The following PPP1R21 variants were observed in gnomAD, a reference collection of about 807,000 sequenced individuals.
PPP1R21 encodes KLRAQ motif containing 1.
Under a neutral mutation model 112.8 loss-of-function variants are expected in PPP1R21, and 85 were observed. That is an observed-to-expected ratio of 0.75 (90% CI 0.63 to 0.90). The LOEUF (loss-of-function observed/expected upper bound fraction) is 0.90, where lower values mean the gene tolerates loss of function less well. PPP1R21 is among the 40% of genes least tolerant of loss of function. PPP1R21 has a pLI of 0.00. For missense variants in PPP1R21, 1,199 were observed against 901.5 expected (o/e 1.33, Z -4.23); for synonymous variants, 381 against 322.3 (o/e 1.18, Z -1.95).
In PPP1R21 at chr2:48,478,274, A is replaced by G. The variant is rs1261777543; in HGVS notation, c.1226-1650A>G. ...TGTGGTACTTCATTACAGCAGCACTAGGAAATTAATACAGGGAGTATTGCC... is the reference window on the plus strand; with the variant it reads ...TGTGGTACTTCATTACAGCAGCACTGGGAAATTAATACAGGGAGTATTGCC... On this transcript the variant is annotated intron_variant, in intron 12 of 21. Transcript: ENST00000294952. Among the ~76,000 whole-genome samples, 8 of 152,334 alleles carry G rather than the reference A, an allele frequency of 5.3e-5. No individual in the cohort carries two copies. In the East Asian group the frequency reaches 1.5e-3, roughly 29 times the overall value.
At chr2:48,459,566 T>C (rs975560249) in intron 4 of PPP1R21, among the ~76,000 whole-genome samples, 188 bp from the exon 5 acceptor site, 17 of 152,196 alleles carry the variant, frequency 1.1e-4, no homozygotes, top group Admixed American at 3.3e-4. Context: ...TCCATATTTG[T>C]AAAGAGGAAT....
intron 21 of PPP1R21, 99 bp from the exon 22 acceptor site, chr2:48,514,616 C>A: frequency 2.3e-6 from 2 of 877,296 alleles, no homozygotes; most frequent in South Asian, 2.8e-5. Flanking sequence ...GCTAGTGTTC[C>A]AAAGTGAAAT....
intron 12 of PPP1R21, 62 bp downstream of exon 12, chr2:48,474,881 A>T: frequency 1.4e-6 from 2 of 1,461,950 alleles, no homozygotes; most frequent in Non-Finnish European, 1.9e-6. Flanking sequence ...AAGCTGGAAA[A>T]GGGAGATGGT....
chr2:48,511,513 A>AGAGAGGT, intron 21 of PPP1R21, 45 bp downstream of exon 21: 1 of 1,592,372 alleles, frequency 6.3e-7, no homozygotes, highest in Non-Finnish European at 8.5e-7. Flanking sequence ...TATAATATTT[A>AGAGAGGT]ATGTGAGGTA....
rs34664331 is a variant in PPP1R21, at chr2:48,440,812, CGCGGCGGCGGCG to C, written c.-130_-119del. ...GGGAACCCGGAAGTGGAGGAGGAGG[CGCGGCGGCGGCG>C]GCGGCGGCGGCTGCGGTGGCCAAGC... On this transcript the variant is annotated 5_prime_UTR_variant, in exon 1 of 22. Coordinates refer to ENST00000294952, the MANE Select transcript of PPP1R21 (RefSeq NM_001135629.3). The C allele has an allele frequency of 2.7e-5, 17 of 626,728 alleles. No individual in the cohort carries two copies. Among genetic ancestry groups the C allele is most frequent in the Middle Eastern group, 4.2e-4 (1 of 2,394 alleles). The allele number at this position is 626,728 out of a possible 1,614,324, so 38.8% of individuals were successfully genotyped here. A position where few individuals can be genotyped will look rare whatever the true frequency, so the allele number is the denominator to read the frequency against.
At chr2:48,481,617 C>T (rs1324436934) in intron 13 of PPP1R21, among the ~76,000 whole-genome samples, 2 of 152,118 alleles carry the variant, frequency 1.3e-5, no homozygotes, top group Non-Finnish European at 2.9e-5. Context: ...ATAGCTGACG[C>T]TTATAATCCC....
At chr2:48,490,830 C>G (rs1167203656) in intron 14 of PPP1R21, among the ~76,000 whole-genome samples, 188 bp from the exon 15 acceptor site, 2 of 152,138 alleles carry the variant, frequency 1.3e-5, no homozygotes, top group East Asian at 3.8e-4. Context: ...TACTGGTGTC[C>G]TCTTTTTATT....
At chr2:48,496,501 T>C (rs958109028) in intron 16 of PPP1R21, among the ~76,000 whole-genome samples, 1 of 149,434 alleles carries the variant, frequency 6.7e-6, no homozygotes, top group African/African-American at 2.5e-5. Flanking sequence ...GGAGTCTCAC[T>C]GTGTCACCTA....
chr2:48,443,839 T>G (rs1192275075), intron 1 of PPP1R21, among the ~76,000 whole-genome samples: 1 of 143,558 alleles, frequency 7.0e-6, no homozygotes, highest in Non-Finnish European at 1.6e-5. Context: ...TGAAATCCAG[T>G]TGCATAATTT....
intron 17 of PPP1R21, among the ~76,000 whole-genome samples, chr2:48,499,730 C>G (rs928278352): frequency 6.6e-6 from 1 of 152,182 alleles, no homozygotes; most frequent in East Asian, 1.9e-4. Flanking sequence ...GGCACATTAT[C>G]TTGCAACTTT....
At chr2:48,484,803 C>A (rs1029928873) in intron 13 of PPP1R21, among the ~76,000 whole-genome samples, 1 of 152,220 alleles carries the variant, frequency 6.6e-6, no homozygotes, top group Non-Finnish European at 1.5e-5. Flanking sequence ...GCATGAGCCA[C>A]TGCATCCTGC....
At chr2:48,504,041 G>A (rs375220591) in intron 17 of PPP1R21, among the ~76,000 whole-genome samples, 20 of 151,752 alleles carry the variant, frequency 1.3e-4, no homozygotes, top group East Asian at 5.8e-4. Flanking sequence ...ATCATAACCC[G>A]GGAGTAAGGG....
At chr2:48,471,407 G>A in intron 11 of PPP1R21, 40 bp downstream of exon 11, 1 of 1,554,868 alleles carries the variant, frequency 6.4e-7, no homozygotes. Context: ...GGGAATTGTG[G>A]GTGTAACCTG....
chr2:48,454,806 C>T, intron 3 of PPP1R21, 65 bp downstream of exon 3: 1 of 1,271,696 alleles, frequency 7.9e-7, no homozygotes, highest in Non-Finnish European at 1.1e-6. Context: ...ACAGGGCATC[C>T]TGGTTTTAAC....
intron 11 of PPP1R21, among the ~76,000 whole-genome samples, chr2:48,472,111 A>G (rs1448295462): frequency 6.6e-6 from 1 of 151,676 alleles, no homozygotes; most frequent in Non-Finnish European, 1.5e-5. Flanking sequence ...GTTGTGGTGC[A>G]TCCCTATAGT....
rs751695399 is a variant in PPP1R21, at chr2:48,507,365, T to A, written c.2065T>A (p.Ser689Thr). ...TCAGTTGCAGCTGGCTGACAGTAAG[T>A]CAGTGCATTTTTATGCCGAGGTGAG... ...TSQLQLADSK[S>T]VHFYAECRAL... is the part of the protein sequence containing the mutation. The change falls in exon 19 of 22, where the codon TCA (serine) becomes ACA (threonine). Residue 689 changes from serine (S) to threonine (T), a missense_variant. Ser to Thr is a moderately conservative substitution (Grantham distance 58). Coordinates refer to ENST00000294952, the MANE Select transcript of PPP1R21 (RefSeq NM_001135629.3). 8 of 1,600,144 alleles carry A rather than the reference T, an allele frequency of 5.0e-6. No individual in the cohort carries two copies. The Admixed American group carries it at 1.4e-4, about 29-fold the overall frequency.
intron 14 of PPP1R21, 128 bp from the exon 15 acceptor site, chr2:48,490,890 C>A (rs2103939005): frequency 2.8e-6 from 2 of 719,824 alleles, no homozygotes; most frequent in Non-Finnish European, 2.3e-6. Flanking sequence ...GACTTTGGGG[C>A]AGGTGTTGAA....
Position 48,515,058 on chromosome 2 carries a change from T to C in PPP1R21, c.*314T>C, listed in dbSNP as rs1306459566. On this transcript the variant is annotated 3_prime_UTR_variant, in exon 22 of 22. Coordinates refer to ENST00000294952, the MANE Select transcript of PPP1R21 (RefSeq NM_001135629.3). ...TAATTTCAGTATGTAAGAACAAATA[T>C]TTTGTATACTTTCAAACTCAATTAT... 5 of 306,916 alleles carry C rather than the reference T, an allele frequency of 1.6e-5. No individual in the cohort carries two copies. Among genetic ancestry groups the C allele is most frequent in the Non-Finnish European group, 3.0e-5 (5 of 169,208 alleles). The allele number at this position is 306,916 out of a possible 1,614,324, so 19.0% of individuals were successfully genotyped here. A position where few individuals can be genotyped will look rare whatever the true frequency, so the allele number is the denominator to read the frequency against.
intron 1 of PPP1R21, among the ~76,000 whole-genome samples, chr2:48,443,441 A>G (rs1385714989): frequency 3.9e-5 from 6 of 152,240 alleles, no homozygotes; most frequent in Non-Finnish European, 8.8e-5. Flanking sequence ...TGGACTGGCT[A>G]AAAGTCAGGA....
Sources: allele counts gnomAD v4.1 joint callset (sites outside exome capture counted in the v4.1 genomes callset), GRCh38; gene constraint gnomAD v4.1.1; transcripts MANE v1.5; gene names NCBI Gene and HGNC (gene_info 2026-07-23, HGNC 2026-07-21).